Variants in PRKAA2 observed in about 807,000 individuals in gnomAD.
PRKAA2 encodes 5'-AMP-activated protein kinase catalytic subunit alpha-2.
In PRKAA2, 40 loss-of-function variants were observed where a neutral mutation model predicts 56.3. The observed-to-expected ratio is 0.71, with a 90% CI of 0.55 to 0.92. The LOEUF (loss-of-function observed/expected upper bound fraction) is 0.92. PRKAA2 is among the 40% of genes least tolerant of loss of function. The pLI is 0.00. For synonymous variants in PRKAA2, 214 were observed against 234.2 expected (o/e 0.91, Z 0.79); for missense variants, 542 against 686.9 (o/e 0.79, Z 2.36).
chr1:56,690,460 C>T lies in PRKAA2; in HGVS notation c.237-934C>T, dbSNP rs142523853. Among the ~76,000 whole-genome samples, 193 of 152,070 alleles carry T rather than the reference C, an allele frequency of 1.3e-3. 3 individuals are homozygous for T. In the East Asian group the frequency reaches 0.031, roughly 24 times the overall value. ...CTGGGATTACAGGCGTGAGCCACCA[C>T]GCCCGGCCTATCACATCTTAATTAA... is the stretch of plus-strand genomic sequence containing the variant. On this transcript the variant is annotated intron_variant, in intron 2 of 8. Transcript: ENST00000371244.
At position 56,702,086 on chromosome 1, in the gene PRKAA2, C is replaced by CT. The variant is rs1437077670; in HGVS notation, c.789-1871dup. On this transcript the variant is annotated intron_variant, in intron 6 of 8. Coordinates refer to ENST00000371244, the MANE Select transcript of PRKAA2 (RefSeq NM_006252.4). ...ATCACCATCATCATTTTTATCTTTTCTTTTTTTTTTTTTTGAGATGGAGTT... is the reference window on the plus strand; with the variant it reads ...ATCACCATCATCATTTTTATCTTTTCTTTTTTTTTTTTTTTGAGATGGAGTT... Among the ~76,000 whole-genome samples, 983 of 142,656 alleles carry CT rather than the reference C, an allele frequency of 6.9e-3. 11 individuals carry two copies. The highest frequency in any genetic ancestry group is 0.039 in the East Asian group (193 of 4,942). The allele number at this position is 142,656 out of a possible 152,430, so 93.6% of individuals were successfully genotyped here.
chr1:56,698,839 G>T (rs1488844911), intron 6 of PRKAA2, among the ~76,000 whole-genome samples: 1 of 152,104 alleles, frequency 6.6e-6, no homozygotes, highest in South Asian at 2.1e-4. Flanking sequence ...TCTGCTCTGT[G>T]CAAGGTCTTG....
chr1:56,712,635 C>G lies in PRKAA2; in HGVS notation c.*4922C>G, dbSNP rs6663750. Reference sequence around the variant, plus strand: ...GGGAGGCCAAAGTGGGTGGATCACCCGAGTTCAGGAGTTCGAGACCAGTCT... The same window carrying G: ...GGGAGGCCAAAGTGGGTGGATCACCGGAGTTCAGGAGTTCGAGACCAGTCT... On this transcript the variant is annotated 3_prime_UTR_variant, in exon 9 of 9. Coordinates refer to ENST00000371244, the MANE Select transcript of PRKAA2 (RefSeq NM_006252.4). The G allele has an allele frequency of 6.6e-6, 1 of 151,846 alleles. No individual in the cohort carries two copies. The highest frequency in any genetic ancestry group is 6.6e-5 in the Admixed American group (1 of 15,250). 9.4% of individuals were successfully genotyped at this position (151,846 alleles called of 1,614,324 possible). A position where few individuals can be genotyped will look rare whatever the true frequency, so the allele number is the denominator to read the frequency against.
In PRKAA2 at chr1:56,707,438, C is replaced by G. The variant is rs1282409582; in HGVS notation, c.1421-37C>G. The stretch of plus-strand genomic sequence containing the variant: ...CATAGGAAGGGCTTGGGCATATATA[C>G]TTTCCATATAAATTGCTCTTCTTTG... On this transcript the variant is annotated intron_variant, in intron 8 of 8. Transcript: ENST00000371244. The G allele has an allele frequency of 7.7e-6, 12 of 1,554,218 alleles. No individual in the cohort carries two copies. The African/African-American group carries it at 1.6e-4, about 21-fold the overall frequency.
chr1:56,692,325 T>C (rs777818289), intron 3 of PRKAA2, 33 bp from the exon 4 acceptor site: 2 of 1,612,952 alleles, frequency 1.2e-6, no homozygotes, highest in South Asian at 1.1e-5. Flanking sequence ...CAGCCCCAGA[T>C]ATTCTTAATG....
intron 6 of PRKAA2, among the ~76,000 whole-genome samples, chr1:56,703,070 G>A (rs1644307362): frequency 1.3e-5 from 2 of 152,252 alleles, no homozygotes; most frequent in African/African-American, 2.4e-5. Context: ...AATCTCGAAG[G>A]AGTAGTTTGT....
intron 1 of PRKAA2, among the ~76,000 whole-genome samples, chr1:56,656,163 A>G (rs142008610): frequency 6.6e-6 from 1 of 152,352 alleles, no homozygotes; most frequent in Admixed American, 6.5e-5. Context: ...AGAGAGGATT[A>G]GTGAATTAGA....
intron 1 of PRKAA2, among the ~76,000 whole-genome samples, chr1:56,655,280 A>ATATATATATATATTTTTTTT: frequency 1.1e-4 from 10 of 93,652 alleles, no homozygotes; most frequent in African/African-American, 2.7e-4. Context: ...ATATATATAT[A>ATATATATATATATTTTTTTT]TTTTTTTTTT....
chr1:56,713,204 A>C lies in PRKAA2; in HGVS notation c.*5491A>C, dbSNP rs1415740569. The C allele has an allele frequency of 6.6e-6, 1 of 152,176 alleles. No homozygotes were observed. The highest frequency in any genetic ancestry group is 1.9e-4 in the East Asian group (1 of 5,180). The allele number at this position is 152,176 out of a possible 1,614,324, so 9.4% of individuals were successfully genotyped here. A position where few individuals can be genotyped will look rare whatever the true frequency, so the allele number is the denominator to read the frequency against. On this transcript the variant is annotated 3_prime_UTR_variant, in exon 9 of 9. Transcript: ENST00000371244. ...GCCACTGAACAGTAATAGCACAAAG[A>C]ACAGGTCACACAGTCTAGACTGGAT...
chr1:56,701,078 G>A (rs568758515), intron 6 of PRKAA2, among the ~76,000 whole-genome samples: 55 of 151,994 alleles, frequency 3.6e-4, no homozygotes, highest in African/African-American at 1.2e-3. Context: ...GTTAATTTCC[G>A]GTGTTCTGAA....
intron 2 of PRKAA2, among the ~76,000 whole-genome samples, chr1:56,690,934 T>G (rs1053586696): frequency 3.3e-5 from 5 of 152,180 alleles, no homozygotes; most frequent in African/African-American, 1.2e-4. Flanking sequence ...GTATGTTCTG[T>G]TTTAGTTTGT....
At position 56,691,442 on chromosome 1, in the gene PRKAA2, T is replaced by C. The variant is rs771505110; in HGVS notation, c.285T>C (p.Tyr95=). Residue 95 remains tyrosine, a synonymous_variant, in exon 3 of 9, where the codon TAT becomes TAC. Coordinates refer to ENST00000371244, the MANE Select transcript of PRKAA2 (RefSeq NM_006252.4). ...CAGATTTTTTTATGGTAATGGAATA[T>C]GTGTCTGGAGGTGAATTATTTGACT... ...TPTDFFMVME[Y]VSGGELFDYI... 2 of 1,612,878 alleles carry C rather than the reference T, an allele frequency of 1.2e-6. No homozygotes were observed. The highest frequency in any genetic ancestry group is 1.7e-6 in the Non-Finnish European group (2 of 1,179,146).
At chr1:56,688,279 A>T (rs1214582126) in intron 2 of PRKAA2, among the ~76,000 whole-genome samples, 1 of 152,184 alleles carries the variant, frequency 6.6e-6, no homozygotes, top group African/African-American at 2.4e-5. Flanking sequence ...TAATTTTGCT[A>T]TGATTTTTCA....
chr1:56,650,614 A>G (rs1193420148), intron 1 of PRKAA2, among the ~76,000 whole-genome samples: 2 of 152,218 alleles, frequency 1.3e-5, no homozygotes, highest in African/African-American at 4.8e-5. Flanking sequence ...CAAGATGAGT[A>G]GTAGTATATA....
chr1:56,672,118 T>C (rs904587285), intron 1 of PRKAA2, among the ~76,000 whole-genome samples: 2 of 152,068 alleles, frequency 1.3e-5, no homozygotes, highest in African/African-American at 4.8e-5. Flanking sequence ...TTTTTTGTTT[T>C]TGTTTTTCAT....
intron 6 of PRKAA2, 62 bp downstream of exon 6, chr1:56,696,221 A>G (rs918821243): frequency 6.8e-7 from 1 of 1,465,122 alleles, no homozygotes; most frequent in Admixed American, 1.8e-5. Flanking sequence ...TGTTAATTAA[A>G]TGATTCTCCC....
intron 1 of PRKAA2, among the ~76,000 whole-genome samples, chr1:56,655,561 T>C (rs1461828066): frequency 6.6e-6 from 1 of 151,970 alleles, no homozygotes; most frequent in East Asian, 1.9e-4. Flanking sequence ...TTAAGCAAAA[T>C]GTTTTTTACC....
chr1:56,697,012 A>ATTTTTTTTTTTTTTTTTTTTTTTT lies in PRKAA2; in HGVS notation c.788+868_788+869insTTTTTTTTTTTTTTTTTTTTTTTT, dbSNP rs752842791. On this transcript the variant is annotated intron_variant, in intron 6 of 8. Transcript: ENST00000371244. ...CCTTTTCATCATTAGCCAGCAAAGA[A>ATTTTTTTTTTTTTTTTTTTTTTTT]TTTTTTTTTTTTTTTAAGGCAGGGT... Among the ~76,000 whole-genome samples, 8 of 57,888 alleles carry ATTTTTTTTTTTTTTTTTTTTTTTT rather than the reference A, an allele frequency of 1.4e-4. 2 individuals carry two copies. Among genetic ancestry groups the ATTTTTTTTTTTTTTTTTTTTTTTT allele is most frequent in the South Asian group, 1.5e-3 (2 of 1,354 alleles). The allele number at this position is 57,888 out of a possible 152,430, so 38.0% of individuals were successfully genotyped here. A position where few individuals can be genotyped will look rare whatever the true frequency, so the allele number is the denominator to read the frequency against.
chr1:56,648,369 T>A (rs1646660964), intron 1 of PRKAA2, among the ~76,000 whole-genome samples: 1 of 152,242 alleles, frequency 6.6e-6, no homozygotes, highest in Non-Finnish European at 1.5e-5. Flanking sequence ...GATTCATGCA[T>A]GACATAGCAT....
Sources: allele counts gnomAD v4.1 joint callset (sites outside exome capture counted in the v4.1 genomes callset), GRCh38; gene constraint gnomAD v4.1.1; transcripts MANE v1.5; gene names NCBI Gene and HGNC (gene_info 2026-07-23, HGNC 2026-07-21).